Variants in GTPBP10 observed in about 807,000 individuals in gnomAD.
GTPBP10 encodes the protein GTP binding protein 10.
GTPBP10 carries 38 observed loss-of-function variants against 44.8 expected under a neutral mutation model. That is an observed-to-expected ratio of 0.85 (90% CI 0.65 to 1.11). The LOEUF is 1.11. GTPBP10 is among the 50% of genes most tolerant of loss of function. The probability of loss-of-function intolerance (pLI) is 0.00; values close to 1 mark genes in which losing one functional copy is unlikely to be tolerated. For synonymous variants in GTPBP10, 152 were observed against 150.6 expected, an observed-to-expected ratio of 1.01 and a Z score of -0.07; for missense variants, 462 against 453.7, an observed-to-expected ratio of 1.02 and a Z score of -0.17.
At chr7:90,384,781 C>A (rs912734167) in intron 9 of GTPBP10, 111 bp from the exon 10 acceptor site, 31 of 967,712 alleles carry the variant, frequency 3.2e-5, no homozygotes, top group Non-Finnish European at 4.4e-5. Flanking sequence ...TGAAAAAAGG[C>A]ATGAAAAATG....
chr7:90,378,111 C>G, intron 7 of GTPBP10, 23 bp from the exon 8 acceptor site: 2 of 1,593,636 alleles, frequency 1.3e-6, no homozygotes, highest in Non-Finnish European at 1.7e-6. Context: ...TAAAGGCTGT[C>G]TCTTTCCTTC....
rs923531506 is a variant in GTPBP10, at chr7:90,385,482, G to A, written c.*328G>A. ...ACAACAATGTATTTTGAAAGTCACT[G>A]AGTAAATTTTAAGTGGTTTTTCCAA... On this transcript the variant is annotated 3_prime_UTR_variant, in exon 10 of 10. Transcript: ENST00000222511. The A allele has an allele frequency of 5.6e-6, 1 of 178,738 alleles. No individual in the cohort carries two copies. Among genetic ancestry groups the A allele is most frequent in the Non-Finnish European group, 1.2e-5 (1 of 85,636 alleles). 11.1% of individuals were successfully genotyped at this position (178,738 alleles called of 1,614,324 possible).
chr7:90,362,106 G>T (rs1277058974), intron 4 of GTPBP10, among the ~76,000 whole-genome samples: 6 of 138,568 alleles, frequency 4.3e-5, no homozygotes, highest in Non-Finnish European at 9.5e-5. Context: ...GATTTTTTTT[G>T]AAGGGTTTTT....
chr7:90,354,401 T>C, intron 2 of GTPBP10, 57 bp from the exon 3 acceptor site: 1 of 738,446 alleles, frequency 1.4e-6, no homozygotes, highest in South Asian at 2.4e-5. Flanking sequence ...TGTGTATGTG[T>C]GTGTGTGTAT....
intron 8 of GTPBP10, among the ~76,000 whole-genome samples, chr7:90,380,403 A>G (rs13228337): frequency 6.6e-6 from 1 of 152,172 alleles, no homozygotes; most frequent in Non-Finnish European, 1.5e-5. Context: ...TCTAAGATAC[A>G]TAATTTGAAA....
rs151322411 is a variant in GTPBP10 at position 90,359,091 on chromosome 7, C to T, written c.464+3861C>T. On this transcript the variant is annotated intron_variant, in intron 4 of 9. Transcript: ENST00000222511. ...ATTATGGAAAAGTCAAAAAACAATACGTGCTGACATAGATGTGGGGAAAAG... is the reference window on the plus strand; with the variant it reads ...ATTATGGAAAAGTCAAAAAACAATATGTGCTGACATAGATGTGGGGAAAAG... 1.8e-3 allele frequency among the ~76,000 whole-genome samples: 269 copies of T among 151,848 alleles called. 1 individual carries two copies. Among genetic ancestry groups the T allele is most frequent in the Non-Finnish European group, 3.3e-3 (226 of 67,928 alleles).
chr7:90,383,427 C>G (rs1186917181), intron 9 of GTPBP10, among the ~76,000 whole-genome samples: 5 of 152,180 alleles, frequency 3.3e-5, no homozygotes, highest in Non-Finnish European at 5.9e-5. Context: ...CATTAACATA[C>G]TTCACAAGCT....
chr7:90,346,719 AG>A lies in GTPBP10; in HGVS notation c.-21del. On this transcript the variant is annotated 5_prime_UTR_variant, in exon 1 of 10. Transcript: ENST00000222511. ...TGCGGCTTGTGCCGCTTCCGCAAGA[AG>A]GTTTCCTGGCCTGTTGCAGCCATGG... is the stretch of plus-strand genomic sequence containing the variant. 6.2e-7 allele frequency: 1 copy of A among 1,614,164 alleles called. No homozygotes were observed. Among genetic ancestry groups the A allele is most frequent in the Non-Finnish European group, 8.5e-7 (1 of 1,179,980 alleles).
chr7:90,375,796 T>C (rs192699610), intron 6 of GTPBP10, among the ~76,000 whole-genome samples: 160 of 152,150 alleles, frequency 1.1e-3, no homozygotes, highest in African/African-American at 3.8e-3. Flanking sequence ...TTCAGAATTA[T>C]CTGGGTGGTC....
chr7:90,364,933 G>A (rs1796101705), intron 4 of GTPBP10, among the ~76,000 whole-genome samples: 1 of 152,242 alleles, frequency 6.6e-6, no homozygotes, highest in African/African-American at 2.4e-5. Context: ...CAAGCCAGGT[G>A]CGGAATATAA....
intron 4 of GTPBP10, among the ~76,000 whole-genome samples, chr7:90,362,215 C>T (rs1232934386): frequency 5.9e-5 from 9 of 151,930 alleles, no homozygotes; most frequent in Non-Finnish European, 7.4e-5. Context: ...GTTCTTTTAA[C>T]TGTGATGTTA....
At chr7:90,372,864 A>C (rs888110829) in intron 5 of GTPBP10, among the ~76,000 whole-genome samples, 3 of 152,124 alleles carry the variant, frequency 2.0e-5, no homozygotes, top group Non-Finnish European at 4.4e-5. Flanking sequence ...GATAAACAGA[A>C]ACAGCTCCTG....
At chr7:90,352,738 G>T (rs1795814326) in intron 1 of GTPBP10, 78 bp from the exon 2 acceptor site, 2 of 1,121,456 alleles carry the variant, frequency 1.8e-6, no homozygotes, top group South Asian at 4.2e-5. Context: ...AGAAGTTTTA[G>T]TGGAAGAAAG....
At chr7:90,383,964 A>G (rs895375500) in intron 9 of GTPBP10, among the ~76,000 whole-genome samples, 2 of 152,214 alleles carry the variant, frequency 1.3e-5, no homozygotes, top group Non-Finnish European at 2.9e-5. Flanking sequence ...TAAATTACTC[A>G]TGGGATATAA....
At chr7:90,384,782 A>AAAAAAGGCC in intron 9 of GTPBP10, 110 bp from the exon 10 acceptor site, 1 of 1,031,350 alleles carries the variant, frequency 9.7e-7, no homozygotes, top group Non-Finnish European at 1.4e-6. Context: ...GAAAAAAGGC[A>AAAAAAGGCC]TGAAAAATGC....
chr7:90,349,593 C>T (rs1239138518), intron 1 of GTPBP10, among the ~76,000 whole-genome samples: 1 of 152,212 alleles, frequency 6.6e-6, no homozygotes. Flanking sequence ...TTATCTTTCC[C>T]TTTCAAGATT....
At chr7:90,363,864 TCTTG>T (rs143298529) in intron 4 of GTPBP10, among the ~76,000 whole-genome samples, 70,351 of 151,562 alleles carry the variant, frequency 0.46, 17,167 homozygotes, top group East Asian at 0.63. Context: ...AAAATTCTCT[TCTTG>T]CTTCATTTCA....
At chr7:90,350,045 A>G (rs1008337512) in intron 1 of GTPBP10, among the ~76,000 whole-genome samples, 2 of 151,808 alleles carry the variant, frequency 1.3e-5, no homozygotes, top group African/African-American at 4.8e-5. Context: ...TACATTGGGT[A>G]TTTCTCCTAA....
chr7:90,384,844 A>G, intron 9 of GTPBP10, 48 bp from the exon 10 acceptor site: 1 of 1,537,790 alleles, frequency 6.5e-7, no homozygotes, highest in South Asian at 1.3e-5. Flanking sequence ...GTTTTAACTA[A>G]CTTTCGAAAA....
Sources: gnomAD v4.1 joint callset for allele counts (sites outside exome capture counted in the v4.1 genomes callset) on GRCh38, gnomAD v4.1.1 for gene constraint, MANE v1.5 for transcripts, NCBI Gene and HGNC (gene_info 2026-07-23, HGNC 2026-07-21) for gene names.